Variants in PCDHGA7 observed in about 807,000 individuals in gnomAD.
PCDHGA7 encodes protocadherin gamma subfamily A, 7.
A neutral mutation model predicts 58.3 loss-of-function variants in PCDHGA7; 44 were observed. The observed-to-expected ratio is 0.75, with a 90% CI of 0.59 to 0.97. The LOEUF (loss-of-function observed/expected upper bound fraction) is 0.97, where lower values mean the gene tolerates loss of function less well. PCDHGA7 is among the 50% of genes least tolerant of loss of function. The pLI is 0.00. For missense variants in PCDHGA7, 1,266 were observed against 1,188.7 expected, an observed-to-expected ratio of 1.06 and a Z score of -0.96; for synonymous variants, 516 against 504.2, an observed-to-expected ratio of 1.02 and a Z score of -0.31.
chr5:141,435,629 A>G (rs2097772414), intron 1 of PCDHGA7, among the ~76,000 whole-genome samples: 1 of 152,162 alleles, frequency 6.6e-6, no homozygotes, highest in Admixed American at 6.5e-5. Flanking sequence ...TAACTTTTAC[A>G]ACTATGGGAA....
chr5:141,496,132 C>T (rs865808904), intron 2 of PCDHGA7, among the ~76,000 whole-genome samples: 1 of 152,058 alleles, frequency 6.6e-6, no homozygotes, highest in African/African-American at 2.4e-5. Flanking sequence ...CCCTCACACA[C>T]TGAGCCTTTG....
At position 141,384,852 on chromosome 5, in the gene PCDHGA7, G is replaced by A; in HGVS notation, c.1953G>A (p.Gln651=). The A allele has an allele frequency of 6.2e-7, 1 of 1,613,646 alleles. No homozygotes were observed. The highest frequency in any genetic ancestry group is 8.5e-7 in the Non-Finnish European group (1 of 1,179,942). Residue 651 remains glutamine, a synonymous_variant, in exon 1 of 4, where the codon CAG becomes CAA. Transcript: ENST00000518325. ...SLVVAVQDHG[Q]PPLSATVTLT... ...TGGTGGCCGTCCAGGACCACGGTCA[G>A]CCTCCTCTGTCAGCCACCGTCACAC... is the stretch of plus-strand genomic sequence containing the variant.
intron 1 of PCDHGA7, chr5:141,410,847 G>GTA: frequency 1.9e-5 from 3 of 158,244 alleles, no homozygotes; most frequent in East Asian, 1.3e-4. Flanking sequence ...TTTTGTCTTT[G>GTA]TCTTTTTTTT....
In PCDHGA7 at chr5:141,384,747, CTT is replaced by C. The variant is rs1040265836; in HGVS notation, c.1850_1851del (p.Phe617CysfsTer49). ...LLLKASEPGL[F>X]AVGLYTGEVR... Reference sequence around the variant, plus strand: ...TGCTTAAGGCCAGCGAGCCAGGACTCTTTGCGGTTGGGCTGTACACGGGCGAG... The same window carrying C: ...TGCTTAAGGCCAGCGAGCCAGGACTCTGCGGTTGGGCTGTACACGGGCGAG... On this transcript the variant is annotated frameshift_variant, in exon 1 of 4. Coordinates refer to ENST00000518325, the MANE Select transcript of PCDHGA7 (RefSeq NM_018920.4). LOFTEE classifies it high-confidence loss of function. 2.2e-5 allele frequency: 35 copies of C among 1,614,060 alleles called. No individual in the cohort carries two copies. In the Admixed American group the frequency reaches 3.5e-4, roughly 16 times the overall value.
chr5:141,410,084 ACGG>A (rs748556729), intron 1 of PCDHGA7: 3 of 1,612,532 alleles, frequency 1.9e-6, no homozygotes, highest in Non-Finnish European at 2.5e-6. Context: ...GGAGGTGCGC[ACGG>A]CTCGAGCCTT....
chr5:141,485,193 G>T lies in PCDHGA7; in HGVS notation c.2425-9614G>T. The T allele has an allele frequency of 6.2e-7, 1 of 1,613,988 alleles. No homozygotes were observed. Among genetic ancestry groups the T allele is most frequent in the Non-Finnish European group, 8.5e-7 (1 of 1,179,852 alleles). The stretch of plus-strand genomic sequence containing the variant: ...GCAGCAATGCTCCGCAAGGTGAGAA[G>T]CTGGACAGAAATCTGGCGGTGGGCT... On this transcript the variant is annotated intron_variant, in intron 1 of 3. Transcript: ENST00000518325. The surrounding 1 kb of genome is among the most constrained non-coding windows in gnomAD (Gnocchi z 5.7).
rs1330577304 is a variant in PCDHGA7, at chr5:141,383,000, C to T, written c.101C>T (p.Ser34Phe). 1 of 1,613,646 alleles carries T rather than the reference C, an allele frequency of 6.2e-7. No homozygotes were observed. Among genetic ancestry groups the T allele is most frequent in the Non-Finnish European group, 8.5e-7 (1 of 1,179,864 alleles). The change falls in exon 1 of 4, where the codon TCC becomes TTC. Residue 34 changes from serine to phenylalanine, a missense_variant. By Grantham distance (155) the Ser-to-Phe change is radical. Transcript: ENST00000518325. ...WEAWAGRILY[S>F]VSEETDKGSF... is the part of the protein sequence containing the mutation. Reference sequence around the variant, plus strand: ...GCCTGGGCAGGACGTATTCTCTACTCCGTGTCGGAGGAGACGGACAAAGGG... The same window carrying T: ...GCCTGGGCAGGACGTATTCTCTACTTCGTGTCGGAGGAGACGGACAAAGGG...
In PCDHGA7 at chr5:141,477,875, G is replaced by A. The variant is rs760433987; in HGVS notation, c.2425-16932G>A. Reference sequence around the variant, plus strand: ...GATGCTGCCTCGAGGTACCTCAGCTGGCCACCTAGTGTCACGGGTGGTAGG... The same window carrying A: ...GATGCTGCCTCGAGGTACCTCAGCTAGCCACCTAGTGTCACGGGTGGTAGG... On this transcript the variant is annotated intron_variant, in intron 1 of 3. Coordinates refer to ENST00000518325, the MANE Select transcript of PCDHGA7 (RefSeq NM_018920.4). The surrounding 1 kb of genome is among the most constrained non-coding windows in gnomAD (Gnocchi z 4.9). 1 of 1,614,162 alleles carries A rather than the reference G, an allele frequency of 6.2e-7. No homozygotes were observed. Among genetic ancestry groups the A allele is most frequent in the Non-Finnish European group, 8.5e-7 (1 of 1,180,028 alleles).
At chr5:141,402,935 T>G in intron 1 of PCDHGA7, 1 of 1,587,712 alleles carries the variant, frequency 6.3e-7, no homozygotes, top group Non-Finnish European at 8.6e-7. Context: ...TTTGAGAAAA[T>G]TCCAAAGCGA....
At chr5:141,392,799 T>A in intron 1 of PCDHGA7, 1 of 1,570,210 alleles carries the variant, frequency 6.4e-7, no homozygotes, top group Non-Finnish European at 8.6e-7. Flanking sequence ...GAGAGGATTC[T>A]GCAGCAAAAC....
rs1244735686 is a variant in PCDHGA7 at position 141,432,142 on chromosome 5, C to A, written c.2424+46819C>A. 1 of 1,614,098 alleles carries A rather than the reference C, an allele frequency of 6.2e-7. No homozygotes were observed. The highest frequency in any genetic ancestry group is 1.1e-5 in the South Asian group (1 of 91,066). On this transcript the variant is annotated intron_variant, in intron 1 of 3. Transcript: ENST00000518325. This position sits in a 1 kb window ranked among gnomAD's most constrained non-coding sequence, Gnocchi z 6.0. ...CTCAGGCCTCCTATTCCGCTTATAT[C>A]CCAGAGAACAATCCCAGAGGAGTTT...
At chr5:141,394,226 C>CT (rs771492563) in intron 1 of PCDHGA7, 132 of 1,613,834 alleles carry the variant, frequency 8.2e-5, no homozygotes, top group Non-Finnish European at 1.1e-4. Context: ...GAGCCTCCAT[C>CT]TTTTCCTTGA....
chr5:141,388,659 A>C (rs777197911), intron 1 of PCDHGA7: 1 of 1,613,882 alleles, frequency 6.2e-7, no homozygotes, highest in East Asian at 2.2e-5. Flanking sequence ...GTACCCGGGG[A>C]CCACGGTGCT....
chr5:141,467,788 A>G (rs2099151778), intron 1 of PCDHGA7, among the ~76,000 whole-genome samples: 1 of 152,020 alleles, frequency 6.6e-6, no homozygotes. Flanking sequence ...CCTCTCAAGT[A>G]GCTGGGACTA....
Position 141,399,568 on chromosome 5 carries a change from G to A in PCDHGA7, c.2424+14245G>A, listed in dbSNP as rs776963716. ...CTCGGACCTGGACTTGGGGTTGAAC[G>A]GCCAAGTCTCCTACTCTATCATGGC... is the stretch of plus-strand genomic sequence containing the variant. On this transcript the variant is annotated intron_variant, in intron 1 of 3. Transcript: ENST00000518325. The A allele has an allele frequency of 3.1e-6, 5 of 1,613,926 alleles. No individual in the cohort carries two copies. The East Asian group carries it at 8.9e-5, about 29-fold the overall frequency.
rs768812729 is a variant in PCDHGA7, at chr5:141,491,543, A to T, written c.2425-3264A>T. 2.5e-6 allele frequency: 4 copies of T among 1,613,842 alleles called. No individual in the cohort carries two copies. The highest frequency in any genetic ancestry group is 3.4e-6 in the Non-Finnish European group (4 of 1,179,982). The stretch of plus-strand genomic sequence containing the variant: ...ATGGAGGTGACGCTGCGGCCCACAG[A>T]CTCGCAGAGCCACTGCTACAGGACG... On this transcript the variant is annotated intron_variant, in intron 1 of 3. Transcript: ENST00000518325. This position sits in a 1 kb window ranked among gnomAD's most constrained non-coding sequence, Gnocchi z 6.9.
At chr5:141,480,781 G>A (rs2099525581) in intron 1 of PCDHGA7, among the ~76,000 whole-genome samples, 1 of 152,174 alleles carries the variant, frequency 6.6e-6, no homozygotes, top group Admixed American at 6.5e-5. Flanking sequence ...CTAATGTGCA[G>A]ACAAATTTGA....
chr5:141,489,091 T>C lies in PCDHGA7; in HGVS notation c.2425-5716T>C. 1 of 333,052 alleles carries C rather than the reference T, an allele frequency of 3.0e-6. No individual in the cohort carries two copies. The highest frequency in any genetic ancestry group is 5.5e-6 in the Non-Finnish European group (1 of 181,380). 20.6% of individuals were successfully genotyped at this position (333,052 alleles called of 1,614,324 possible). On this transcript the variant is annotated intron_variant, in intron 1 of 3. Coordinates refer to ENST00000518325, the MANE Select transcript of PCDHGA7 (RefSeq NM_018920.4). This position sits in a 1 kb window ranked among gnomAD's most constrained non-coding sequence, Gnocchi z 4.5. ...CTGCCCACCCCCGCCACTCGGTGAC[T>C]AAGAACTGCTGCAAGCAGGCAAACC...
chr5:141,485,935 C>A lies in PCDHGA7; in HGVS notation c.2425-8872C>A. The stretch of plus-strand genomic sequence containing the variant: ...GCTACAGGATTAGTGTGTTGGAGAG[C>A]GCACCAGCGGGCATGGTGCTCATCC... On this transcript the variant is annotated intron_variant, in intron 1 of 3. Coordinates refer to ENST00000518325, the MANE Select transcript of PCDHGA7 (RefSeq NM_018920.4). This position sits in a 1 kb window ranked among gnomAD's most constrained non-coding sequence, Gnocchi z 5.7. The A allele has an allele frequency of 3.1e-6, 5 of 1,614,144 alleles. No homozygotes were observed. Among genetic ancestry groups the A allele is most frequent in the Non-Finnish European group, 3.4e-6 (4 of 1,180,030 alleles).
Sources: gnomAD v4.1 joint callset for allele counts (sites outside exome capture counted in the v4.1 genomes callset) on GRCh38, gnomAD v4.1.1 for gene constraint, Gnocchi (gnomAD v3.1) non-coding constraint, MANE v1.5 for transcripts, NCBI Gene and HGNC (gene_info 2026-07-23, HGNC 2026-07-21) for gene names.